Variants in KMT2B observed in about 807,000 individuals in gnomAD.
KMT2B encodes the protein lysine methyltransferase 2B.
A neutral mutation model predicts 255.3 loss-of-function variants in KMT2B; 22 were observed. That is an observed-to-expected ratio of 0.09 (90% CI 0.06 to 0.12). The LOEUF is 0.12. Among genes scored for constraint, KMT2B ranks in the 10% least tolerant of loss-of-function variants. The pLI is 1.00. For synonymous variants in KMT2B, 1,730 were observed against 1,498.1 expected (o/e 1.15, Z -3.57); for missense variants, 3,149 against 3,737.0 (o/e 0.84, Z 4.10).
chr19:35,730,817 A>G lies in KMT2B; in HGVS notation c.5387A>G (p.Glu1796Gly), dbSNP rs775694422. 6.2e-7 allele frequency: 1 copy of G among 1,613,384 alleles called. No homozygotes were observed. The highest frequency in any genetic ancestry group is 8.5e-7 in the Non-Finnish European group (1 of 1,179,690). The stretch of plus-strand genomic sequence containing the variant: ...CCGAGGGAAGAGCCAGCTCACCTGG[A>G]GGCTGCAGAGGAGAACCAGACCATT... ...WGPREEPAHL[E>G]AAEENQTIVH... is the part of the protein sequence containing the mutation. Residue 1796 changes from glutamate to glycine, a missense_variant, in exon 26 of 37, where the codon GAG (glutamate) becomes GGG (glycine). Coordinates refer to ENST00000420124, the MANE Select transcript of KMT2B (RefSeq NM_014727.3).
In KMT2B at chr19:35,723,935, A is replaced by G; in HGVS notation, c.3262A>G (p.Ile1088Val). ...CGTCAAACAGCGACCCTCCTATGAT[A>G]TCTTCGAGGATTCGGATGACTCGGA... is the stretch of plus-strand genomic sequence containing the variant. ...RCVKQRPSYD[I>V]FEDSDDSEPG... The change falls in exon 8 of 37, where the codon ATC (isoleucine) becomes GTC (valine). Residue 1088 changes from isoleucine to valine, a missense_variant. Coordinates refer to ENST00000420124, the MANE Select transcript of KMT2B (RefSeq NM_014727.3). The surrounding 1 kb of genome is among the most constrained non-coding windows in gnomAD (Gnocchi z 7.5). The G allele has an allele frequency of 6.2e-7, 1 of 1,612,052 alleles. No individual in the cohort carries two copies. Among genetic ancestry groups the G allele is most frequent in the Non-Finnish European group, 8.5e-7 (1 of 1,179,426 alleles).
At chr19:35,726,054 A>G (rs1008924790) in intron 13 of KMT2B, among the ~76,000 whole-genome samples, 182 bp from the exon 14 acceptor site, 1 of 152,112 alleles carries the variant, frequency 6.6e-6, no homozygotes, top group Non-Finnish European at 1.5e-5. Flanking sequence ...ATCCCCTGCT[A>G]TAGCCTGATG....
chr19:35,720,521 C>A lies in KMT2B; in HGVS notation c.1174C>A (p.Pro392Thr), dbSNP rs1040605106. ...AAGAGCTGTAGCTGAGGAGATGATG[C>A]CAGCTGCGGAAAAGGAAGAGGCAAA... ...EERAVAEEMMPAAEKEEAKLP... is the reference protein window; with the variant it reads ...EERAVAEEMMTAAEKEEAKLP... The change falls in exon 3 of 37, where the codon CCA becomes ACA. Residue 392 changes from proline (P) to threonine (T), a missense_variant. Coordinates refer to ENST00000420124, the MANE Select transcript of KMT2B (RefSeq NM_014727.3). The A allele has an allele frequency of 7.7e-6, 12 of 1,550,360 alleles. No individual in the cohort carries two copies. The highest frequency in any genetic ancestry group is 1.0e-5 in the Non-Finnish European group (12 of 1,146,512).
rs1255528496 is a variant in KMT2B at position 35,727,042 on chromosome 19, C to T, written c.4004-114C>T. ...AGGAGCTTTTAGGGACTAGTAGGGG[C>T]CCAAAACAGGGGCATAGTGGAGGCA... On this transcript the variant is annotated intron_variant, in intron 14 of 36. Transcript: ENST00000420124. The surrounding 1 kb of genome is among the most constrained non-coding windows in gnomAD (Gnocchi z 4.2). 3.1e-6 allele frequency: 2 copies of T among 649,108 alleles called. No homozygotes were observed. The highest frequency in any genetic ancestry group is 1.9e-5 in the African/African-American group (1 of 53,842). 40.2% of individuals were successfully genotyped at this position (649,108 alleles called of 1,614,324 possible). A position where few individuals can be genotyped will look rare whatever the true frequency, so the allele number is the denominator to read the frequency against.
In KMT2B at chr19:35,725,069, C is replaced by T. The variant is rs768423902; in HGVS notation, c.3510C>T (p.Arg1170=). The part of the protein sequence containing the change: ...GKQKSPDGVH[R]VRVDFKEDCD... Reference sequence around the variant, plus strand: ...AGAAGTCTCCCGATGGTGTGCACCGCGTCCGTGTGGATTTTAAGGTATGGC... The same window carrying T: ...AGAAGTCTCCCGATGGTGTGCACCGTGTCCGTGTGGATTTTAAGGTATGGC... The change falls in exon 10 of 37, where the codon CGC becomes CGT. Residue 1170 remains arginine (R), a synonymous_variant. Transcript: ENST00000420124. The surrounding 1 kb of genome is among the most constrained non-coding windows in gnomAD (Gnocchi z 4.1). The T allele has an allele frequency of 2.2e-5, 35 of 1,612,818 alleles. No homozygotes were observed. Among genetic ancestry groups the T allele is most frequent in the Middle Eastern group, 1.6e-4 (1 of 6,082 alleles).
chr19:35,731,849 T>C, intron 26 of KMT2B, 59 bp from the exon 27 acceptor site: 2 of 1,296,136 alleles, frequency 1.5e-6, no homozygotes, highest in Non-Finnish European at 2.2e-6. Flanking sequence ...GATGAGAGCA[T>C]GTGGGCAGGC....
In KMT2B at chr19:35,722,655, C is replaced by T; in HGVS notation, c.2659C>T (p.Pro887Ser). ...CCTGGGTCAGGCCCGGGCCATGGTG[C>T]CTGAAGATGTCCCTCGCCTCAGTGC... ...VALGQARAMV[P>S]EDVPRLSALP... Residue 887 changes from proline (P) to serine (S), a missense_variant, in exon 5 of 37, where the codon CCT becomes TCT. This residue lies in a region of KMT2B where 132 missense variants were observed against 174.7 expected (regional missense o/e 0.76). Coordinates refer to ENST00000420124, the MANE Select transcript of KMT2B (RefSeq NM_014727.3). The T allele has an allele frequency of 6.2e-7, 1 of 1,612,906 alleles. No homozygotes were observed. Among genetic ancestry groups the T allele is most frequent in the East Asian group, 2.2e-5 (1 of 44,870 alleles).
chr19:35,734,019 G>A, intron 30 of KMT2B, 147 bp downstream of exon 30: 1 of 617,602 alleles, frequency 1.6e-6, no homozygotes, highest in Middle Eastern at 4.4e-4. Flanking sequence ...AGATGACCTT[G>A]GGGAGCCTCT....
intron 22 of KMT2B, 38 bp from the exon 23 acceptor site, chr19:35,729,929 G>A (rs1969626446): frequency 1.3e-6 from 2 of 1,593,250 alleles, no homozygotes; most frequent in Non-Finnish European, 8.5e-7. Flanking sequence ...CCCAGCCCCA[G>A]CCCTGGCTTC....
At chr19:35,722,324 C>T (rs1354250909) in intron 3 of KMT2B, 35 bp from the exon 4 acceptor site, 5 of 1,560,020 alleles carry the variant, frequency 3.2e-6, no homozygotes, top group Non-Finnish European at 4.3e-6. Flanking sequence ...TCTTTCCTCA[C>T]TGTCCAGCCC....
At chr19:35,726,091 C>A in intron 13 of KMT2B, 145 bp from the exon 14 acceptor site, 1 of 684,686 alleles carries the variant, frequency 1.5e-6, no homozygotes, top group Non-Finnish European at 2.7e-6. Flanking sequence ...TGTTCCTCCT[C>A]CGTGTCTGTC....
In KMT2B at chr19:35,725,123, G is replaced by A. The variant is rs934340720; in HGVS notation, c.3528+36G>A. On this transcript the variant is annotated intron_variant, in intron 10 of 36. Coordinates refer to ENST00000420124, the MANE Select transcript of KMT2B (RefSeq NM_014727.3). This position sits in a 1 kb window ranked among gnomAD's most constrained non-coding sequence, Gnocchi z 4.1. ...GAGTGGGGCGAGTCACAGAGCCTCT[G>A]GTTGGAAGAACCTCGATGACTGTGT... 2 of 1,589,994 alleles carry A rather than the reference G, an allele frequency of 1.3e-6. No individual in the cohort carries two copies. The highest frequency in any genetic ancestry group is 3.3e-5 in the Admixed American group (2 of 59,970).
In KMT2B at chr19:35,732,753, T is replaced by G. The variant is rs1445755707; in HGVS notation, c.6204T>G (p.Thr2068=). The G allele has an allele frequency of 2.1e-5, 34 of 1,610,304 alleles. No homozygotes were observed. The highest frequency in any genetic ancestry group is 2.8e-5 in the Non-Finnish European group (33 of 1,178,812). ...AGCTGGACGGCGTGGACGACGGCAC[T>G]GACAGTGAGGCTGAGGCGGTGCAGC... The part of the protein sequence containing the change: ...IEQLDGVDDG[T]DSEAEAVQQP... The change falls in exon 28 of 37, where the codon ACT becomes ACG. Residue 2068 remains threonine, a synonymous_variant. Coordinates refer to ENST00000420124, the MANE Select transcript of KMT2B (RefSeq NM_014727.3).
At position 35,725,852 on chromosome 19, in the gene KMT2B, C is replaced by A; in HGVS notation, c.3885+34C>A. 2.6e-6 allele frequency: 4 copies of A among 1,517,052 alleles called. No homozygotes were observed. The highest frequency in any genetic ancestry group is 3.6e-6 in the Non-Finnish European group (4 of 1,115,414). The allele number at this position is 1,517,052 out of a possible 1,614,324, so 94.0% of individuals were successfully genotyped here. A position where few individuals can be genotyped will look rare whatever the true frequency, so the allele number is the denominator to read the frequency against. On this transcript the variant is annotated intron_variant, in intron 13 of 36. Coordinates refer to ENST00000420124, the MANE Select transcript of KMT2B (RefSeq NM_014727.3). The surrounding 1 kb of genome is among the most constrained non-coding windows in gnomAD (Gnocchi z 4.1). ...TGAGGTTCACCCACTTGCTTTGTCTCTAATGAATATCACCACCACCCCCAA... is the reference window on the plus strand; with the variant it reads ...TGAGGTTCACCCACTTGCTTTGTCTATAATGAATATCACCACCACCCCCAA...
chr19:35,733,172 G>A lies in KMT2B; in HGVS notation c.6623G>A (p.Gly2208Asp). The A allele has an allele frequency of 6.4e-7, 1 of 1,567,230 alleles. No individual in the cohort carries two copies. The highest frequency in any genetic ancestry group is 2.4e-5 in the East Asian group (1 of 42,078). The change falls in exon 28 of 37, where the codon GGT becomes GAT. Residue 2208 changes from glycine to aspartate, a missense_variant. By Grantham distance (94) the Gly-to-Asp change is moderately conservative. Around this residue, in one of 18 missense-constraint regions of KMT2B, gnomAD observed 897 missense variants for 825.3 expected, o/e 1.09. Coordinates refer to ENST00000420124, the MANE Select transcript of KMT2B (RefSeq NM_014727.3). The surrounding 1 kb of genome is among the most constrained non-coding windows in gnomAD (Gnocchi z 4.3). ...GQVFVKMAGE[G>D]EPVPPPVKQP... ...GTATTTGTGAAGATGGCTGGGGAGG[G>A]TGAACCTGTCCCACCCCCAGTGAAG...
In KMT2B at chr19:35,725,289, C is replaced by A. The variant is rs749762055; in HGVS notation, c.3598C>A (p.Pro1200Thr). Residue 1200 changes from proline (P) to threonine (T), a missense_variant, in exon 11 of 37, where the codon CCC becomes ACC. By Grantham distance (38) the Pro-to-Thr change is conservative. This residue lies in a region of KMT2B where 42 missense variants were observed against 121.0 expected (regional missense o/e 0.35). Coordinates refer to ENST00000420124, the MANE Select transcript of KMT2B (RefSeq NM_014727.3). This position sits in a 1 kb window ranked among gnomAD's most constrained non-coding sequence, Gnocchi z 4.1. ...LSVLTSVPGG[P>T]PMVCLLCASK... ...TGTGCTCACCTCTGTGCCAGGGGGC[C>A]CCCCGATGGTGTGCTTGCTGTGTGC... is the stretch of plus-strand genomic sequence containing the variant. 1.3e-6 allele frequency: 2 copies of A among 1,579,774 alleles called. No homozygotes were observed. The highest frequency in any genetic ancestry group is 1.8e-5 in the Admixed American group (1 of 55,104).
Position 35,732,106 on chromosome 19 carries a change from G to T in KMT2B, c.5636G>T (p.Gly1879Val), listed in dbSNP as rs897776241. The change falls in exon 27 of 37, where the codon GGT (glycine) becomes GTT (valine). Residue 1879 changes from glycine (G) to valine (V), a missense_variant. By Grantham distance (109) the Gly-to-Val change is moderately radical. Transcript: ENST00000420124. Reference sequence around the variant, plus strand: ...TCGCCATCCCGGAGGCCCTTGGGGGGTGTCTCCTTTGGCCCCCTGCCCTCC... The same window carrying T: ...TCGCCATCCCGGAGGCCCTTGGGGGTTGTCTCCTTTGGCCCCCTGCCCTCC... ...NYSPSRRPLG[G>V]VSFGPLPSPG... The T allele has an allele frequency of 1.2e-5, 19 of 1,602,128 alleles. No individual in the cohort carries two copies. In the African/African-American group the frequency reaches 1.5e-4, roughly 12 times the overall value.
In KMT2B at chr19:35,721,209, CTCCCCCA is replaced by C; in HGVS notation, c.1863_1869del (p.Pro623LeufsTer35). On this transcript the variant is annotated frameshift_variant, in exon 3 of 37. Coordinates refer to ENST00000420124, the MANE Select transcript of KMT2B (RefSeq NM_014727.3). LOFTEE classifies it high-confidence loss of function. ...TCACTGACCCGGGAGCTGCCCCCTC[CTCCCCCA>C]GCCCCTCCACCTCCCCCGGCCCCCT... 9 of 1,516,420 alleles carry C rather than the reference CTCCCCCA, an allele frequency of 5.9e-6. No individual in the cohort carries two copies. The highest frequency in any genetic ancestry group is 1.4e-5 in the African/African-American group (1 of 70,544). 93.9% of individuals were successfully genotyped at this position (1,516,420 alleles called of 1,614,324 possible).
At position 35,718,356 on chromosome 19, in the gene KMT2B, G is replaced by A. The variant is rs550823797; in HGVS notation, c.338G>A (p.Ser113Asn). ...PSRGCVPEEE[S>N]SDGESDEEEF... ...CGAGGCTGCGTGCCGGAGGAGGAGA[G>A]CAGTGACGGGGAATCCGACGAGGAG... The change falls in exon 1 of 37, where the codon AGC becomes AAC. Residue 113 changes from serine (S) to asparagine (N), a missense_variant. Around this residue, in one of 18 missense-constraint regions of KMT2B, gnomAD observed 1,188 missense variants for 1,106.4 expected, o/e 1.07. Transcript: ENST00000420124. The surrounding 1 kb of genome is among the most constrained non-coding windows in gnomAD (Gnocchi z 5.0). 40 of 1,268,190 alleles carry A rather than the reference G, an allele frequency of 3.2e-5. 1 individual carries two copies. In the South Asian group the frequency reaches 1.4e-3, roughly 44 times the overall value. The allele number at this position is 1,268,190 out of a possible 1,614,324, so 78.6% of individuals were successfully genotyped here. A position where few individuals can be genotyped will look rare whatever the true frequency, so the allele number is the denominator to read the frequency against.
Sources: allele counts gnomAD v4.1 joint callset (sites outside exome capture counted in the v4.1 genomes callset), GRCh38; gene constraint gnomAD v4.1.1; regional missense constraint gnomAD v4.1.1; non-coding constraint Gnocchi (gnomAD v3.1); transcripts MANE v1.5; gene names NCBI Gene and HGNC (gene_info 2026-07-23, HGNC 2026-07-21).